The following CMC2 variants were observed in gnomAD, a reference collection of about 807,000 sequenced individuals.
CMC2 encodes the protein COX assembly mitochondrial protein 2 homolog.
Under a neutral mutation model 7.5 loss-of-function variants are expected in CMC2, and 5 were observed. The observed-to-expected ratio is 0.66, with a 90% CI of 0.35 to 1.40. The LOEUF is 1.40. CMC2 is among the 40% of genes most tolerant of loss of function. CMC2 has a pLI of 0.04. For missense variants in CMC2, 115 were observed against 92.3 expected (o/e 1.25, Z -1.01); for synonymous variants, 37 against 31.4 (o/e 1.18, Z -0.60).
In CMC2 at chr16:80,968,885, T is replaced by C. The variant is rs1389476338; in HGVS notation, c.*7208A>G. ...TTTTCATAAACACAATGGAAAAAGATGGAAGATACTGAGTCTCTACGAGGA... is the reference window on the plus strand; with the variant it reads ...TTTTCATAAACACAATGGAAAAAGACGGAAGATACTGAGTCTCTACGAGGA... On this transcript the variant is annotated 3_prime_UTR_variant, in exon 4 of 4. Coordinates refer to ENST00000219400, the MANE Select transcript of CMC2 (RefSeq NM_020188.5). 6.6e-6 allele frequency: 1 copy of C among 152,134 alleles called. No individual in the cohort carries two copies. The highest frequency in any genetic ancestry group is 1.5e-5 in the Non-Finnish European group (1 of 68,026). 9.4% of individuals were successfully genotyped at this position (152,134 alleles called of 1,614,324 possible). A position where few individuals can be genotyped will look rare whatever the true frequency, so the allele number is the denominator to read the frequency against.
chr16:80,979,252 A>G (rs1304808520), intron 3 of CMC2, among the ~76,000 whole-genome samples: 1 of 152,160 alleles, frequency 6.6e-6, no homozygotes, highest in African/African-American at 2.4e-5. Flanking sequence ...TACAAATTAG[A>G]GAATAAACAT....
At chr16:80,985,243 C>A (rs1967430485) in intron 2 of CMC2, among the ~76,000 whole-genome samples, 1 of 152,178 alleles carries the variant, frequency 6.6e-6, no homozygotes, top group African/African-American at 2.4e-5. Flanking sequence ...TCAAAACTAT[C>A]TTCTCAATAA....
At chr16:80,980,269 A>G (rs866994422) in intron 3 of CMC2, among the ~76,000 whole-genome samples, 7 of 151,222 alleles carry the variant, frequency 4.6e-5, no homozygotes, top group Admixed American at 2.6e-4. Flanking sequence ...TGGCTTTTTC[A>G]TATAAAGGAC....
intron 3 of CMC2, 58 bp from the exon 4 acceptor site, chr16:80,976,237 G>T: frequency 2.2e-6 from 2 of 911,590 alleles, no homozygotes; most frequent in Non-Finnish European, 3.4e-6. Flanking sequence ...ACTATTTATA[G>T]CAGTTTACTA....
At chr16:80,996,801 C>G in intron 2 of CMC2, 1 of 173,944 alleles carries the variant, frequency 5.7e-6, no homozygotes, top group South Asian at 1.0e-4. Context: ...TATGGATGGG[C>G]TCCTTTTCTA....
At position 80,978,967 on chromosome 16, in the gene CMC2, G is replaced by A. The variant is rs368658698; in HGVS notation, c.154-2788C>T. Among the ~76,000 whole-genome samples, 8 of 152,242 alleles carry A rather than the reference G, an allele frequency of 5.3e-5. No individual in the cohort carries two copies. In the East Asian group the frequency reaches 1.4e-3, roughly 26 times the overall value. On this transcript the variant is annotated intron_variant, in intron 3 of 3. Transcript: ENST00000219400. ...GTGGTGGTGGGCACCTGTAGTCCCA[G>A]TTACTCAGGAGGCTGAGGCAGGAGA... is the stretch of plus-strand genomic sequence containing the variant.
intron 2 of CMC2, among the ~76,000 whole-genome samples, chr16:80,986,536 C>G (rs2549832): frequency 0.78 from 118,537 of 151,940 alleles, 46,541 homozygotes; most frequent in South Asian, 0.93. Flanking sequence ...TTGATTTAAA[C>G]AAAAAAGAAA....
rs564584471 is a variant in CMC2 at position 80,972,847 on chromosome 16, T to C, written c.*3246A>G. 4 of 152,404 alleles carry C rather than the reference T, an allele frequency of 2.6e-5. No homozygotes were observed. The East Asian group carries it at 7.7e-4, about 29-fold the overall frequency. The allele number at this position is 152,404 out of a possible 1,614,324, so 9.4% of individuals were successfully genotyped here. A position where few individuals can be genotyped will look rare whatever the true frequency, so the allele number is the denominator to read the frequency against. On this transcript the variant is annotated 3_prime_UTR_variant, in exon 4 of 4. Coordinates refer to ENST00000219400, the MANE Select transcript of CMC2 (RefSeq NM_020188.5). ...CTCCCTAAGAGGACACAGATGGTCC[T>C]TCGTGATGTGAACCGTCACTAGAAC...
chr16:80,969,120 T>G lies in CMC2; in HGVS notation c.*6973A>C, dbSNP rs889029573. On this transcript the variant is annotated 3_prime_UTR_variant, in exon 4 of 4. Transcript: ENST00000219400. ...TTACTGGTGGGAAATTCTGGAAAGA[T>G]AGTTGTGACTGTGGAAGCAACTATC... 6.6e-6 allele frequency: 1 copy of G among 152,216 alleles called. No individual in the cohort carries two copies. Among genetic ancestry groups the G allele is most frequent in the African/African-American group, 2.4e-5 (1 of 41,454 alleles). 9.4% of individuals were successfully genotyped at this position (152,216 alleles called of 1,614,324 possible).
chr16:80,983,263 CT>C (rs1967269836), intron 2 of CMC2: 1 of 152,224 alleles, frequency 6.6e-6, no homozygotes, highest in South Asian at 2.1e-4. Context: ...TATATGTGGA[CT>C]TTCAACTGCA....
chr16:80,985,901 CA>C (rs57915291), intron 2 of CMC2, among the ~76,000 whole-genome samples: 24,530 of 104,812 alleles, frequency 0.23, 2,359 homozygotes, highest in Admixed American at 0.29. Flanking sequence ...CATATACCTG[CA>C]AAAAAAAAAA....
intron 2 of CMC2, chr16:80,982,860 A>C (rs1431283272): frequency 1.3e-5 from 2 of 156,234 alleles, no homozygotes; most frequent in Middle Eastern, 3.1e-3. Flanking sequence ...ATAACCATAA[A>C]ACTTGAATAA....
At position 81,004,671 on chromosome 16, in the gene CMC2, G is replaced by C. The variant is rs115631858; in HGVS notation, c.-36+2063C>G. Among the ~76,000 whole-genome samples the C allele has an allele frequency of 1.9e-3, 284 of 152,312 alleles. 2 individuals carry two copies. Among genetic ancestry groups the C allele is most frequent in the African/African-American group, 6.3e-3 (261 of 41,584 alleles). On this transcript the variant is annotated intron_variant, in intron 1 of 3. Coordinates refer to ENST00000219400, the MANE Select transcript of CMC2 (RefSeq NM_020188.5). Reference sequence around the variant, plus strand: ...ATAAGGGCAATTTTAACTTTTCCTGGGGAGTAAGCTGGGAGGGTAGAAGCG... The same window carrying C: ...ATAAGGGCAATTTTAACTTTTCCTGCGGAGTAAGCTGGGAGGGTAGAAGCG...
At chr16:81,001,535 A>G (rs1968865767) in intron 1 of CMC2, among the ~76,000 whole-genome samples, 1 of 152,110 alleles carries the variant, frequency 6.6e-6, no homozygotes, top group African/African-American at 2.4e-5. Flanking sequence ...TATTATGGAG[A>G]TGGACGGTGG....
intron 3 of CMC2, among the ~76,000 whole-genome samples, chr16:80,979,127 G>A (rs1966907525): frequency 6.6e-6 from 1 of 152,070 alleles, no homozygotes; most frequent in Non-Finnish European, 1.5e-5. Flanking sequence ...GTAATCAGAT[G>A]ACATATGAAG....
chr16:80,977,601 G>T (rs951813084), intron 3 of CMC2, among the ~76,000 whole-genome samples: 1 of 152,190 alleles, frequency 6.6e-6, no homozygotes, highest in Non-Finnish European at 1.5e-5. Flanking sequence ...CCAAGAGAGA[G>T]TAATGAGGGG....
chr16:80,987,683 T>C (rs895984621), intron 2 of CMC2, among the ~76,000 whole-genome samples: 3 of 152,086 alleles, frequency 2.0e-5, no homozygotes, highest in African/African-American at 7.2e-5. Flanking sequence ...ACGGAAAGAA[T>C]GATAAAAGCA....
In CMC2 at chr16:80,967,984, CAA is replaced by C. The variant is rs1202692691; in HGVS notation, c.*8107_*8108del. 1.3e-5 allele frequency: 2 copies of C among 151,852 alleles called. No homozygotes were observed. Among genetic ancestry groups the C allele is most frequent in the African/African-American group, 4.8e-5 (2 of 41,394 alleles). The allele number at this position is 151,852 out of a possible 1,614,324, so 9.4% of individuals were successfully genotyped here. On this transcript the variant is annotated 3_prime_UTR_variant, in exon 4 of 4. Coordinates refer to ENST00000219400, the MANE Select transcript of CMC2 (RefSeq NM_020188.5). ...AGAACTTTTCTCAAAAACTTAAATA[CAA>C]AAGTTATTTGAGGAAACTGCTTAAA...
Position 80,969,478 on chromosome 16 carries a change from T to C in CMC2, c.*6615A>G, listed in dbSNP as rs1406931612. The C allele has an allele frequency of 6.6e-6, 1 of 152,176 alleles. No homozygotes were observed. Among genetic ancestry groups the C allele is most frequent in the East Asian group, 1.9e-4 (1 of 5,192 alleles). The allele number at this position is 152,176 out of a possible 1,614,324, so 9.4% of individuals were successfully genotyped here. A position where few individuals can be genotyped will look rare whatever the true frequency, so the allele number is the denominator to read the frequency against. On this transcript the variant is annotated 3_prime_UTR_variant, in exon 4 of 4. Coordinates refer to ENST00000219400, the MANE Select transcript of CMC2 (RefSeq NM_020188.5). Reference sequence around the variant, plus strand: ...AAGGTCTGAAGGGGCTGGAACAATTTAGCATTAATGAACTCTCAAAACTGA... The same window carrying C: ...AAGGTCTGAAGGGGCTGGAACAATTCAGCATTAATGAACTCTCAAAACTGA...
Sources: allele counts gnomAD v4.1 joint callset (sites outside exome capture counted in the v4.1 genomes callset), GRCh38; gene constraint gnomAD v4.1.1; transcripts MANE v1.5; gene names NCBI Gene and HGNC (gene_info 2026-07-23, HGNC 2026-07-21).